The following FLRT1 variants were observed in gnomAD, a reference collection of about 807,000 sequenced individuals.
FLRT1 encodes leucine-rich repeat transmembrane protein FLRT1.
A neutral mutation model predicts 30.9 loss-of-function variants in FLRT1; 14 were observed. The ratio of observed to expected loss-of-function variants is 0.45; its 90% CI spans 0.30 to 0.71. The LOEUF (loss-of-function observed/expected upper bound fraction) is 0.71, where lower values mean the gene tolerates loss of function less well. FLRT1 is among the 30% of genes least tolerant of loss of function. FLRT1 has a pLI of 0.08. For missense variants in FLRT1, 737 were observed against 949.2 expected, an observed-to-expected ratio of 0.78 and a Z score of 2.94; for synonymous variants, 368 against 430.4, an observed-to-expected ratio of 0.85 and a Z score of 1.80.
intron 1 of FLRT1, among the ~76,000 whole-genome samples, chr11:64,084,604 C>G (rs1486948145): frequency 6.6e-6 from 1 of 152,182 alleles, no homozygotes; most frequent in Non-Finnish European, 1.5e-5. Flanking sequence ...TGGACAGTAC[C>G]CACTTAGGAC....
intron 2 of FLRT1, among the ~76,000 whole-genome samples, chr11:64,107,914 G>A (rs1467839408): frequency 1.3e-5 from 2 of 152,198 alleles, no homozygotes; most frequent in Non-Finnish European, 2.9e-5. Flanking sequence ...TGGGGCTCAG[G>A]GAAGAATGGC....
At chr11:64,065,522 G>T (rs1943982711) in intron 1 of FLRT1, among the ~76,000 whole-genome samples, 1 of 152,192 alleles carries the variant, frequency 6.6e-6, no homozygotes, top group East Asian at 1.9e-4. Flanking sequence ...AGGCGCGGTG[G>T]CTCATGCCTG....
chr11:64,052,137 G>A (rs937279041), intron 1 of FLRT1, among the ~76,000 whole-genome samples: 1 of 151,940 alleles, frequency 6.6e-6, no homozygotes, highest in African/African-American at 2.4e-5. Context: ...AGAAAGAGTG[G>A]CCTTGGGGCC....
intron 1 of FLRT1, among the ~76,000 whole-genome samples, chr11:64,081,025 T>C (rs1944293288): frequency 6.6e-6 from 1 of 152,180 alleles, no homozygotes; most frequent in South Asian, 2.1e-4. Flanking sequence ...TTACACTTCT[T>C]ATTTTATTTA....
chr11:64,084,340 G>A (rs536493376), intron 1 of FLRT1, among the ~76,000 whole-genome samples: 16 of 152,234 alleles, frequency 1.1e-4, no homozygotes, highest in Admixed American at 2.0e-4. Context: ...CCCCAGCCTC[G>A]AGGAGCCCCT....
intron 1 of FLRT1, among the ~76,000 whole-genome samples, chr11:64,056,406 C>T (rs1943786110): frequency 6.6e-6 from 1 of 152,178 alleles, no homozygotes; most frequent in Admixed American, 6.5e-5. Context: ...GAAATTTACA[C>T]CCACAGCCCA....
chr11:64,083,351 T>A (rs1056237532), intron 1 of FLRT1, among the ~76,000 whole-genome samples: 2 of 152,096 alleles, frequency 1.3e-5, no homozygotes, highest in African/African-American at 4.8e-5. Context: ...CAGGAGAATC[T>A]CTTGAACCCA....
chr11:64,102,154 G>A (rs1401451942), intron 1 of FLRT1, among the ~76,000 whole-genome samples: 2 of 152,230 alleles, frequency 1.3e-5, no homozygotes, highest in African/African-American at 2.4e-5. Flanking sequence ...TCAAACCAGA[G>A]TGAGCACTCT....
rs320144 is a variant in FLRT1, at chr11:64,040,424, C to T, written c.-1038+4265C>T. Among the ~76,000 whole-genome samples the T allele has an allele frequency of 9.1e-3, 1,378 of 152,194 alleles. 22 individuals are homozygous for T. Among genetic ancestry groups the T allele is most frequent in the African/African-American group, 0.031 (1,269 of 41,524 alleles). ...GGAGGGCAGAGGGGCTCAAGGCACC[C>T]GGCCAGGGCTGGGGCTGGTGGGCTG... On this transcript the variant is annotated intron_variant, in intron 1 of 2. Coordinates refer to ENST00000682287, the MANE Select transcript of FLRT1 (RefSeq NM_013280.5).
Position 64,117,736 on chromosome 11 carries a change from C to T in FLRT1, c.1469C>T (p.Thr490Ile), listed in dbSNP as rs113441416. The change falls in exon 3 of 3, where the codon ACA (threonine) becomes ATA (isoleucine). Residue 490 changes from threonine (T) to isoleucine (I), a missense_variant. Coordinates refer to ENST00000682287, the MANE Select transcript of FLRT1 (RefSeq NM_013280.5). Reference sequence around the variant, plus strand: ...GAGACCTTGGTGCAGGGGGACAAGACAGAGTACCTGCTGACAGCCCTGGAG... The same window carrying T: ...GAGACCTTGGTGCAGGGGGACAAGATAGAGTACCTGCTGACAGCCCTGGAG... The part of the protein sequence containing the change: ...ITETLVQGDK[T>I]EYLLTALEPK... 1 of 1,613,902 alleles carries T rather than the reference C, an allele frequency of 6.2e-7. No individual in the cohort carries two copies. Among genetic ancestry groups the T allele is most frequent in the Admixed American group, 1.7e-5 (1 of 60,032 alleles).
At position 64,080,978 on chromosome 11, in the gene FLRT1, G is replaced by T. The variant is rs1944292451; in HGVS notation, c.-1037-22216G>T. On this transcript the variant is annotated intron_variant, in intron 1 of 2. Transcript: ENST00000682287. ...GAATTATGTGACATTGTTGAAGTCT[G>T]TTTAATGAGGGGACATTCTGCCATC... 3.9e-5 allele frequency among the ~76,000 whole-genome samples: 6 copies of T among 152,186 alleles called. No individual in the cohort carries two copies. The South Asian group carries it at 1.2e-3, about 31-fold the overall frequency.
intron 1 of FLRT1, among the ~76,000 whole-genome samples, chr11:64,042,823 CA>C (rs1319708763): frequency 6.6e-6 from 1 of 152,202 alleles, no homozygotes; most frequent in Non-Finnish European, 1.5e-5. Flanking sequence ...AGACCCCCAC[CA>C]GGCTTGGGCT....
chr11:64,083,855 C>T (rs899721561), intron 1 of FLRT1, among the ~76,000 whole-genome samples: 3 of 152,318 alleles, frequency 2.0e-5, no homozygotes, highest in Non-Finnish European at 2.9e-5. Flanking sequence ...CGGTGAGGGG[C>T]GCTGACCTGG....
intron 1 of FLRT1, among the ~76,000 whole-genome samples, chr11:64,089,172 C>T (rs961449481): frequency 1.3e-5 from 2 of 152,132 alleles, no homozygotes; most frequent in South Asian, 2.1e-4. Context: ...CAGGGCGGGT[C>T]GGGGAGTGAT....
At chr11:64,088,709 A>G (rs1944438374) in intron 1 of FLRT1, among the ~76,000 whole-genome samples, 1 of 152,174 alleles carries the variant, frequency 6.6e-6, no homozygotes, top group African/African-American at 2.4e-5. Flanking sequence ...CCTGTCTATG[A>G]AATGGGGATA....
intron 2 of FLRT1, 125 bp from the exon 3 acceptor site, chr11:64,116,094 C>A: frequency 1.0e-6 from 1 of 978,490 alleles, no homozygotes; most frequent in East Asian, 2.6e-5. Context: ...CTTGACCTCA[C>A]CCCGCAGGAC....
chr11:64,048,836 G>A (rs1414536181), intron 1 of FLRT1, among the ~76,000 whole-genome samples: 3 of 152,188 alleles, frequency 2.0e-5, no homozygotes, highest in African/African-American at 7.2e-5. Flanking sequence ...AGCACCCGAG[G>A]TGGGCCAGGC....
At position 64,105,625 on chromosome 11, in the gene FLRT1, A is replaced by ATGAGTGACCCCACAGGCG. The variant is rs1334257163; in HGVS notation, c.-50+1462_-50+1479dup. Among the ~76,000 whole-genome samples the ATGAGTGACCCCACAGGCG allele has an allele frequency of 2.0e-5, 3 of 152,104 alleles. No individual in the cohort carries two copies. The South Asian group carries it at 6.2e-4, about 32-fold the overall frequency. ...TGCTAAGAGGCGTGACCCCACAGGC[A>ATGAGTGACCCCACAGGCG]TGAGTGACCCCACAGGCGTGAGTGA... is the stretch of plus-strand genomic sequence containing the variant. On this transcript the variant is annotated intron_variant, in intron 2 of 2. Coordinates refer to ENST00000682287, the MANE Select transcript of FLRT1 (RefSeq NM_013280.5).
chr11:64,040,263 T>G (rs1480094780), intron 1 of FLRT1, among the ~76,000 whole-genome samples: 12 of 113,196 alleles, frequency 1.1e-4, no homozygotes, highest in Admixed American at 2.8e-4. Flanking sequence ...TGCTGAGGGG[T>G]GGGATTGAGG....
Sources: allele counts gnomAD v4.1 joint callset (sites outside exome capture counted in the v4.1 genomes callset), GRCh38; gene constraint gnomAD v4.1.1; transcripts MANE v1.5; gene names NCBI Gene and HGNC (gene_info 2026-07-23, HGNC 2026-07-21).